FOXO1: variants seen among roughly 807,000 people sequenced by gnomAD.
FOXO1 encodes the protein forkhead box protein O1.
In FOXO1, 6 loss-of-function variants were observed where a neutral mutation model predicts 44.1. That is an observed-to-expected ratio of 0.14 (90% CI 0.07 to 0.27). The LOEUF (loss-of-function observed/expected upper bound fraction) is 0.27, where lower values mean the gene tolerates loss of function less well. FOXO1 is among the 10% of genes least tolerant of loss of function. The pLI is 1.00. For missense variants in FOXO1, 737 were observed against 888.8 expected (o/e 0.83, Z 2.17); for synonymous variants, 380 against 362.7 (o/e 1.05, Z -0.54).
intron 1 of FOXO1, among the ~76,000 whole-genome samples, chr13:40,592,851 G>A (rs1257336730): frequency 6.6e-6 from 1 of 152,134 alleles, no homozygotes; most frequent in African/African-American, 2.4e-5. Context: ...GTGTACAGGA[G>A]GCATTTCTGG....
chr13:40,561,433 T>G (rs2137824548), intron 1 of FOXO1, among the ~76,000 whole-genome samples: 1 of 152,270 alleles, frequency 6.6e-6, no homozygotes, highest in Non-Finnish European at 1.5e-5. Flanking sequence ...TACCTTCTTT[T>G]ATACAGCTAC....
chr13:40,614,761 A>G (rs1339745535), intron 1 of FOXO1, among the ~76,000 whole-genome samples: 1 of 152,230 alleles, frequency 6.6e-6, no homozygotes, highest in African/African-American at 2.4e-5. Flanking sequence ...CCAAGTGCTA[A>G]TCCACAGAAC....
chr13:40,613,385 CT>C (rs1489964280), intron 1 of FOXO1, among the ~76,000 whole-genome samples: 4 of 151,624 alleles, frequency 2.6e-5, no homozygotes, highest in South Asian at 4.2e-4. Flanking sequence ...TCCGACACCC[CT>C]AATCTAATCA....
intron 1 of FOXO1, among the ~76,000 whole-genome samples, chr13:40,615,367 T>C (rs1483626063): frequency 1.3e-5 from 2 of 152,040 alleles, no homozygotes; most frequent in Non-Finnish European, 2.9e-5. Flanking sequence ...TGAAACCCCA[T>C]CTCTACTAAA....
chr13:40,555,873 A>C lies in FOXO1; in HGVS notation c.*3176T>G, dbSNP rs1313895710. 1 of 152,684 alleles carries C rather than the reference A, an allele frequency of 6.5e-6. No individual in the cohort carries two copies. The highest frequency in any genetic ancestry group is 2.4e-5 in the African/African-American group (1 of 41,470). The allele number at this position is 152,684 out of a possible 1,614,324, so 9.5% of individuals were successfully genotyped here. ...CACTTCTCAGAGTATCGGAACAAGA[A>C]CGTGGAATCTGCACTGTTACTAAAC... On this transcript the variant is annotated 3_prime_UTR_variant, in exon 3 of 3. Transcript: ENST00000379561.
intron 1 of FOXO1, among the ~76,000 whole-genome samples, chr13:40,575,639 T>C (rs2137843273): frequency 6.6e-6 from 1 of 152,374 alleles, no homozygotes; most frequent in Non-Finnish European, 1.5e-5. Flanking sequence ...TTAGGATCTT[T>C]TGATTTGGTC....
In FOXO1 at chr13:40,665,590, C is replaced by T; in HGVS notation, c.623G>A (p.Gly208Asp). The T allele has an allele frequency of 7.0e-7, 1 of 1,426,072 alleles. No individual in the cohort carries two copies. The highest frequency in any genetic ancestry group is 9.3e-7 in the Non-Finnish European group (1 of 1,072,742). The allele number at this position is 1,426,072 out of a possible 1,614,324, so 88.3% of individuals were successfully genotyped here. A position where few individuals can be genotyped will look rare whatever the true frequency, so the allele number is the denominator to read the frequency against. The change falls in exon 1 of 3, where the codon GGC becomes GAC. Residue 208 changes from glycine (G) to aspartate (D), a missense_variant. This residue lies in a region of FOXO1 where 49 missense variants were observed against 50.2 expected (regional missense o/e 0.98). Transcript: ENST00000379561. ...CGCGCCGAGTCCACTCACCTTCCAG[C>T]CCGCCGAGCTGTTGCTGTCACCCTT... ...KDKGDSNSSAGWKNSIRHNLS... is the reference protein window; with the variant it reads ...KDKGDSNSSADWKNSIRHNLS...
In FOXO1 at chr13:40,560,585, G is replaced by A. The variant is rs990634875; in HGVS notation, c.906C>T (p.His302=). The part of the protein sequence containing the change: ...FSKWPASPGS[H]SNDDFDNWST... ...TCCAGTTATCAAAGTCATCATTGCT[G>A]TGAGAGCCAGGGCTTGCAGGCCATT... is the stretch of plus-strand genomic sequence containing the variant. Residue 302 remains histidine (H), a synonymous_variant, in exon 2 of 3, where the codon CAC becomes CAT. Coordinates refer to ENST00000379561, the MANE Select transcript of FOXO1 (RefSeq NM_002015.4). The surrounding 1 kb of genome is among the most constrained non-coding windows in gnomAD (Gnocchi z 5.1). 1 of 1,614,192 alleles carries A rather than the reference G, an allele frequency of 6.2e-7. No homozygotes were observed.
chr13:40,605,779 C>T (rs1305930264), intron 1 of FOXO1, among the ~76,000 whole-genome samples: 2 of 152,118 alleles, frequency 1.3e-5, no homozygotes, highest in African/African-American at 2.4e-5. Context: ...TCAGTAGCTA[C>T]GTAAGCCCTG....
intron 1 of FOXO1, among the ~76,000 whole-genome samples, chr13:40,631,958 G>A (rs756523678): frequency 5.9e-5 from 9 of 152,074 alleles, no homozygotes; most frequent in Admixed American, 1.3e-4. Context: ...TAAAAAAATA[G>A]GACACTACCT....
chr13:40,642,909 C>T (rs1877396757), intron 1 of FOXO1, among the ~76,000 whole-genome samples: 1 of 152,070 alleles, frequency 6.6e-6, no homozygotes, highest in African/African-American at 2.4e-5. Flanking sequence ...GATCCTCTCC[C>T]AAAAATAAAA....
chr13:40,609,301 T>C (rs936223142), intron 1 of FOXO1, among the ~76,000 whole-genome samples: 4 of 151,914 alleles, frequency 2.6e-5, no homozygotes, highest in Non-Finnish European at 5.9e-5. Context: ...CATGACAAGG[T>C]TAATTTGTTT....
intron 1 of FOXO1, among the ~76,000 whole-genome samples, chr13:40,607,957 T>C (rs1876081032): frequency 6.6e-6 from 1 of 152,222 alleles, no homozygotes; most frequent in African/African-American, 2.4e-5. Context: ...AAGTCTTACC[T>C]CAATTCACGT....
intron 1 of FOXO1, among the ~76,000 whole-genome samples, chr13:40,561,351 CAAAAAAA>C (rs5803055): frequency 8.4e-6 from 1 of 119,556 alleles, no homozygotes; most frequent in East Asian, 2.2e-4. Context: ...GACTCGATCT[CAAAAAAA>C]AAAAAAAAAA....
chr13:40,663,659 T>TC (rs1375232404), intron 1 of FOXO1, among the ~76,000 whole-genome samples: 1 of 152,248 alleles, frequency 6.6e-6, no homozygotes, highest in South Asian at 2.1e-4. Context: ...TGTGACTTAA[T>TC]AGAATATATG....
At chr13:40,620,245 C>T (rs1016245366) in intron 1 of FOXO1, 35 of 1,501,416 alleles carry the variant, frequency 2.3e-5, no homozygotes, top group Non-Finnish European at 3.1e-5. Flanking sequence ...GAGAAGGATC[C>T]ATCCCGGAGA....
At chr13:40,597,622 G>A (rs751144112) in intron 1 of FOXO1, among the ~76,000 whole-genome samples, 47 of 152,086 alleles carry the variant, frequency 3.1e-4, no homozygotes, top group Non-Finnish European at 5.3e-4. Flanking sequence ...ATCTTCCCCC[G>A]GTGAAGGGTC....
At chr13:40,629,990 A>G (rs1402323380) in intron 1 of FOXO1, among the ~76,000 whole-genome samples, 1 of 152,256 alleles carries the variant, frequency 6.6e-6, no homozygotes, top group East Asian at 1.9e-4. Context: ...GTCAAGTGAT[A>G]AGAACCTTTA....
At chr13:40,572,326 T>C (rs1397914182) in intron 1 of FOXO1, among the ~76,000 whole-genome samples, 1 of 151,918 alleles carries the variant, frequency 6.6e-6, no homozygotes, top group Non-Finnish European at 1.5e-5. Context: ...GAGTACAAAG[T>C]CTAGATTTAT....
Sources: gnomAD v4.1 joint callset for allele counts (sites outside exome capture counted in the v4.1 genomes callset) on GRCh38, gnomAD v4.1.1 for gene constraint, gnomAD v4.1.1 regional missense constraint, Gnocchi (gnomAD v3.1) non-coding constraint, MANE v1.5 for transcripts, NCBI Gene and HGNC (gene_info 2026-07-23, HGNC 2026-07-21) for gene names.